CCDC134: variants seen among roughly 807,000 people sequenced by gnomAD.
The protein encoded by CCDC134 is coiled-coil domain containing 134.
CCDC134 carries 27 observed loss-of-function variants against 25.6 expected under a neutral mutation model. The ratio of observed to expected loss-of-function variants is 1.05; its 90% CI spans 0.78 to 1.45. The LOEUF (loss-of-function observed/expected upper bound fraction) is 1.45. Among genes scored for constraint, CCDC134 ranks in the 40% most tolerant of loss-of-function variants. The pLI, the probability that CCDC134 is intolerant of heterozygous loss-of-function variation, is 0.00. For missense variants in CCDC134, 261 were observed against 286.7 expected, an observed-to-expected ratio of 0.91 and a Z score of 0.65; for synonymous variants, 110 against 115.0, an observed-to-expected ratio of 0.96 and a Z score of 0.28.
chr22:41,819,998 T>TA (rs1556020966), intron 6 of CCDC134, among the ~76,000 whole-genome samples: 2 of 130,102 alleles, frequency 1.5e-5, no homozygotes, highest in African/African-American at 6.1e-5. Flanking sequence ...TATATATATA[T>TA]AATTTTTTTT....
chr22:41,801,259 G>C (rs936457030), intron 1 of CCDC134, among the ~76,000 whole-genome samples: 2 of 152,068 alleles, frequency 1.3e-5, no homozygotes, highest in Non-Finnish European at 2.9e-5. Flanking sequence ...GAGGGTCCTG[G>C]GTGAACTTGG....
Position 41,830,879 on chromosome 22 carries a change from C to CT in CCDC134, c.*5060dup, listed in dbSNP as rs869121466. ...CACACAGATCCTTATTTTTTCTTTTCTTTTCTTTTTTTTTTTTTTTTTTTT... is the reference window on the plus strand; with the variant it reads ...CACACAGATCCTTATTTTTTCTTTTCTTTTTCTTTTTTTTTTTTTTTTTTTT... On this transcript the variant is annotated 3_prime_UTR_variant, in exon 7 of 7. Coordinates refer to ENST00000255784, the MANE Select transcript of CCDC134 (RefSeq NM_024821.5). Among the ~76,000 whole-genome samples the CT allele has an allele frequency of 8.8e-6, 1 of 113,260 alleles. No homozygotes were observed. The highest frequency in any genetic ancestry group is 3.2e-5 in the African/African-American group (1 of 31,626). 74.3% of individuals were successfully genotyped at this position (113,260 alleles called of 152,430 possible). A position where few individuals can be genotyped will look rare whatever the true frequency, so the allele number is the denominator to read the frequency against.
chr22:41,815,983 C>T (rs2076620981), intron 6 of CCDC134, among the ~76,000 whole-genome samples: 1 of 152,120 alleles, frequency 6.6e-6, no homozygotes, highest in Non-Finnish European at 1.5e-5. Flanking sequence ...GTCCTGGACT[C>T]AACCAGCTGT....
At position 41,825,504 on chromosome 22, in the gene CCDC134, G is replaced by A. The variant is rs1017812781; in HGVS notation, c.565-194G>A. 4.6e-5 allele frequency among the ~76,000 whole-genome samples: 7 copies of A among 151,872 alleles called. No individual in the cohort carries two copies. The highest frequency in any genetic ancestry group is 3.9e-4 in the Admixed American group (6 of 15,260). ...GAATACCCTTCCCTTTCCTCATGCCGTTGGTTTGGCAAACTCCTGCTTATC... is the reference window on the plus strand; with the variant it reads ...GAATACCCTTCCCTTTCCTCATGCCATTGGTTTGGCAAACTCCTGCTTATC... On this transcript the variant is annotated intron_variant, in intron 6 of 6. Transcript: ENST00000255784. This position sits in a 1 kb window ranked among gnomAD's most constrained non-coding sequence, Gnocchi z 4.4.
At chr22:41,803,230 T>C (rs1389637090) in intron 1 of CCDC134, among the ~76,000 whole-genome samples, 2 of 152,174 alleles carry the variant, frequency 1.3e-5, no homozygotes, top group Non-Finnish European at 2.9e-5. Context: ...ACCGCTGCAC[T>C]CCAGCGTGGG....
At chr22:41,819,223 C>T (rs952445379) in intron 6 of CCDC134, among the ~76,000 whole-genome samples, 1 of 152,206 alleles carries the variant, frequency 6.6e-6, no homozygotes, top group African/African-American at 2.4e-5. Context: ...AGAGTCAACT[C>T]GTATCAGGCT....
chr22:41,813,235 C>T (rs1426011053), intron 4 of CCDC134, 29 bp from the exon 5 acceptor site: 2 of 1,612,612 alleles, frequency 1.2e-6, no homozygotes. Flanking sequence ...AGCATCTGCC[C>T]TGGCCACTCA....
In CCDC134 at chr22:41,800,717, G is replaced by A. The variant is rs1052319350; in HGVS notation, c.-66G>A. ...TTAGCCTGTTGGACCTTCGAGCCTAGCTGCTCGCACAGGACTCGGCCACCT... is the reference window on the plus strand; with the variant it reads ...TTAGCCTGTTGGACCTTCGAGCCTAACTGCTCGCACAGGACTCGGCCACCT... On this transcript the variant is annotated 5_prime_UTR_variant, in exon 1 of 7. Transcript: ENST00000255784. The A allele has an allele frequency of 2.0e-5, 3 of 152,402 alleles. No individual in the cohort carries two copies. The highest frequency in any genetic ancestry group is 7.2e-5 in the African/African-American group (3 of 41,480). The allele number at this position is 152,402 out of a possible 1,614,324, so 9.4% of individuals were successfully genotyped here. A position where few individuals can be genotyped will look rare whatever the true frequency, so the allele number is the denominator to read the frequency against.
At chr22:41,820,305 A>G (rs1358677885) in intron 6 of CCDC134, among the ~76,000 whole-genome samples, 1 of 150,244 alleles carries the variant, frequency 6.7e-6, no homozygotes, top group African/African-American at 2.5e-5. Context: ...CGTTATTTAT[A>G]TATATATTTT....
rs945046390 is a variant in CCDC134 at position 41,808,964 on chromosome 22, G to A, written c.74G>A (p.Arg25Lys). 4.3e-6 allele frequency: 7 copies of A among 1,614,006 alleles called. No individual in the cohort carries two copies. The highest frequency in any genetic ancestry group is 5.1e-6 in the Non-Finnish European group (6 of 1,180,012). Residue 25 changes from arginine to lysine, a missense_variant, in exon 2 of 7, where the codon AGG becomes AAG. Arg to Lys is a conservative substitution (Grantham distance 26). Transcript: ENST00000255784. ...LSGMGATGTL[R>K]TSLDPSLEIY... ...GGGATGGGAGCCACAGGCACCTTGA[G>A]GACCTCCCTGGACCCAAGCCTGGAG...
intron 1 of CCDC134, among the ~76,000 whole-genome samples, chr22:41,801,299 C>T (rs2076542380): frequency 6.6e-6 from 1 of 152,068 alleles, no homozygotes; most frequent in Admixed American, 6.6e-5. Flanking sequence ...TCACTTATCT[C>T]GTCTGCTTGG....
intron 6 of CCDC134, among the ~76,000 whole-genome samples, chr22:41,823,220 ATTTTTTTTTT>A (rs34103607): frequency 7.8e-6 from 1 of 127,458 alleles, no homozygotes; most frequent in Non-Finnish European, 1.6e-5. Context: ...CATTACCAGA[ATTTTTTTTTT>A]TTTTTTTTTT....
rs780206116 is a variant in CCDC134 at position 41,813,338 on chromosome 22, T to TA, written c.386dup (p.Tyr129Ter). ...GCGCTTCCCGAGGATTGTGCACTATTACTTTGACCACAACTCCAACTGGAA... is the reference window on the plus strand; with the variant it reads ...GCGCTTCCCGAGGATTGTGCACTATTAACTTTGACCACAACTCCAACTGGAA... Reference protein sequence around the residue: ...VLRFPRIVHYYFDHNSNWNLL... With the variant: ...VLRFPRIVHY Residue 129 changes from tyrosine to a stop codon, truncating the protein, a stop_gained and frameshift_variant, in exon 5 of 7, where the codon TAC becomes TAAC. Coordinates refer to ENST00000255784, the MANE Select transcript of CCDC134 (RefSeq NM_024821.5). LOFTEE classifies it high-confidence loss of function. 4.3e-6 allele frequency: 7 copies of TA among 1,614,206 alleles called. No individual in the cohort carries two copies. The highest frequency in any genetic ancestry group is 1.1e-5 in the South Asian group (1 of 91,086).
rs1321364516 is a variant in CCDC134 at position 41,827,185 on chromosome 22, G to A, written c.*1362G>A. Among the ~76,000 whole-genome samples, 31 of 152,208 alleles carry A rather than the reference G, an allele frequency of 2.0e-4. No individual in the cohort carries two copies. The highest frequency in any genetic ancestry group is 1.9e-3 in the Admixed American group (29 of 15,282). ...AACATCCTGCACCCATCAGTTACTCGGAAGTAAGGGGACAAGAAGCAGCTG... is the reference window on the plus strand; with the variant it reads ...AACATCCTGCACCCATCAGTTACTCAGAAGTAAGGGGACAAGAAGCAGCTG... On this transcript the variant is annotated 3_prime_UTR_variant, in exon 7 of 7. Transcript: ENST00000255784.
chr22:41,813,891 G>A, intron 6 of CCDC134, 69 bp downstream of exon 6: 2 of 1,458,492 alleles, frequency 1.4e-6, no homozygotes, highest in Non-Finnish European at 1.9e-6. Flanking sequence ...GAGGCCTGCA[G>A]GGGCTGGGGA....
Position 41,819,809 on chromosome 22 carries a change from G to A in CCDC134, c.565-5889G>A, listed in dbSNP as rs1355580270. 2.6e-5 allele frequency among the ~76,000 whole-genome samples: 4 copies of A among 151,538 alleles called. No homozygotes were observed. The East Asian group carries it at 7.8e-4, about 29-fold the overall frequency. On this transcript the variant is annotated intron_variant, in intron 6 of 6. Transcript: ENST00000255784. The stretch of plus-strand genomic sequence containing the variant: ...ATTCCAGGCTGAAGGAGCAGCAAGT[G>A]CAAAGGCTGTGAGTTGGAAGCATAT...
intron 1 of CCDC134, among the ~76,000 whole-genome samples, chr22:41,802,662 C>T (rs187862975): frequency 1.3e-5 from 2 of 152,266 alleles, no homozygotes. Flanking sequence ...CACCTGTAAT[C>T]CCAGCGCTTT....
chr22:41,816,473 G>A (rs565258237), intron 6 of CCDC134, among the ~76,000 whole-genome samples: 2 of 152,352 alleles, frequency 1.3e-5, no homozygotes, highest in East Asian at 3.9e-4. Flanking sequence ...CCTATCATGT[G>A]GATGGAAATG....
Position 41,808,888 on chromosome 22 carries a change from G to C in CCDC134, c.-3G>C. The C allele has an allele frequency of 6.2e-7, 1 of 1,613,296 alleles. No individual in the cohort carries two copies. The highest frequency in any genetic ancestry group is 8.5e-7 in the Non-Finnish European group (1 of 1,179,212). On this transcript the variant is annotated 5_prime_UTR_variant, in exon 2 of 7. Transcript: ENST00000255784. ...TTATTCTTCCAGCTCAAGAGGTTTGGATATGGACCTTCTTCAATTCCTGGC... is the reference window on the plus strand; with the variant it reads ...TTATTCTTCCAGCTCAAGAGGTTTGCATATGGACCTTCTTCAATTCCTGGC...
Sources: allele counts gnomAD v4.1 joint callset (sites outside exome capture counted in the v4.1 genomes callset), GRCh38; gene constraint gnomAD v4.1.1; non-coding constraint Gnocchi (gnomAD v3.1); transcripts MANE v1.5; gene names NCBI Gene and HGNC (gene_info 2026-07-23, HGNC 2026-07-21).